Variants in SSH1 observed in about 807,000 individuals in gnomAD.
The protein encoded by SSH1 is protein phosphatase Slingshot homolog 1.
Under a neutral mutation model 79.7 loss-of-function variants are expected in SSH1, and 43 were observed. The observed-to-expected ratio is 0.54, with a 90% confidence interval of 0.42 to 0.70. SSH1 has a LOEUF of 0.70. Ranked by LOEUF, SSH1 falls within the 30% of genes least tolerant of loss-of-function variation. The pLI, the probability that SSH1 is intolerant of heterozygous loss-of-function variation, is 0.00. For synonymous variants in SSH1, 599 were observed against 538.3 expected, an observed-to-expected ratio of 1.11 and a Z score of -1.56; for missense variants, 1,206 against 1,358.8, an observed-to-expected ratio of 0.89 and a Z score of 1.77.
At position 108,778,626 on chromosome 12, in the gene SSH1, T is replaced by G. The variant is rs1023142791; in HGVS notation, c.*9362A>C. Reference sequence around the variant, plus strand: ...CAACCACCATTTATTTATTAGGTAGTGTGCCAGGCAGAAGGGGATTTGCAT... The same window carrying G: ...CAACCACCATTTATTTATTAGGTAGGGTGCCAGGCAGAAGGGGATTTGCAT... On this transcript the variant is annotated 3_prime_UTR_variant, in exon 15 of 15. Transcript: ENST00000326495. The G allele has an allele frequency of 1.3e-5, 2 of 152,262 alleles. No individual in the cohort carries two copies. Among genetic ancestry groups the G allele is most frequent in the Non-Finnish European group, 2.9e-5 (2 of 68,126 alleles). 9.4% of individuals were successfully genotyped at this position (152,262 alleles called of 1,614,324 possible). A position where few individuals can be genotyped will look rare whatever the true frequency, so the allele number is the denominator to read the frequency against.
intron 2 of SSH1, among the ~76,000 whole-genome samples, chr12:108,846,305 A>C (rs1440503682): frequency 6.6e-6 from 1 of 152,180 alleles, no homozygotes; most frequent in Non-Finnish European, 1.5e-5. Flanking sequence ...GATTAAAAAA[A>C]AAAAACTTCA....
chr12:108,852,572 G>C (rs762963471), intron 2 of SSH1, 66 bp downstream of exon 2: 50 of 1,593,212 alleles, frequency 3.1e-5, no homozygotes, highest in East Asian at 1.8e-4. Flanking sequence ...CTTTGGGAGA[G>C]GAACAAGAGC....
intron 5 of SSH1, among the ~76,000 whole-genome samples, chr12:108,813,064 C>T (rs2037698900): frequency 6.6e-6 from 1 of 152,098 alleles, no homozygotes; most frequent in Non-Finnish European, 1.5e-5. Flanking sequence ...TAAGGCCCCA[C>T]TATATTGCCC....
At chr12:108,830,940 C>A (rs2038457527) in intron 2 of SSH1, among the ~76,000 whole-genome samples, 2 of 152,172 alleles carry the variant, frequency 1.3e-5, no homozygotes, top group Admixed American at 1.3e-4. Flanking sequence ...CCACCGAGAC[C>A]AACCTCAGAT....
chr12:108,829,180 T>A (rs1366308558), intron 2 of SSH1, among the ~76,000 whole-genome samples: 4 of 151,930 alleles, frequency 2.6e-5, no homozygotes, highest in Non-Finnish European at 5.9e-5. Context: ...ATACAAAAAT[T>A]AGCCAGGTGT....
intron 12 of SSH1, among the ~76,000 whole-genome samples, chr12:108,800,571 T>C (rs529247849): frequency 2.0e-5 from 3 of 150,444 alleles, no homozygotes; most frequent in African/African-American, 7.3e-5. Flanking sequence ...ACCAACCACT[T>C]TTCTCCTTTG....
chr12:108,779,002 C>T lies in SSH1; in HGVS notation c.*8986G>A, dbSNP rs1475311856. On this transcript the variant is annotated 3_prime_UTR_variant, in exon 15 of 15. Coordinates refer to ENST00000326495, the MANE Select transcript of SSH1 (RefSeq NM_018984.4). ...TATTATTGGTAGAGATGGGGGTTCA[C>T]CATGTTACCTGGGCTGGTCTTGAAC... The T allele has an allele frequency of 6.6e-6, 1 of 152,134 alleles. No homozygotes were observed. Among genetic ancestry groups the T allele is most frequent in the Non-Finnish European group, 1.5e-5 (1 of 68,050 alleles). The allele number at this position is 152,134 out of a possible 1,614,324, so 9.4% of individuals were successfully genotyped here.
At chr12:108,797,750 G>A (rs1343545293) in intron 13 of SSH1, among the ~76,000 whole-genome samples, 1 of 152,192 alleles carries the variant, frequency 6.6e-6, no homozygotes, top group Non-Finnish European at 1.5e-5. Context: ...CCTCTCTGCT[G>A]AGGGCTGCTT....
At chr12:108,838,077 C>T (rs1017757541) in intron 2 of SSH1, among the ~76,000 whole-genome samples, 6 of 152,234 alleles carry the variant, frequency 3.9e-5, no homozygotes, top group African/African-American at 1.4e-4. Flanking sequence ...AGCCACCATA[C>T]CCAGCCAAAT....
chr12:108,855,148 A>G (rs1418915746), intron 1 of SSH1, among the ~76,000 whole-genome samples: 1 of 152,252 alleles, frequency 6.6e-6, no homozygotes, highest in Non-Finnish European at 1.5e-5. Context: ...GGAGTATTAT[A>G]CAGCCATGAA....
chr12:108,826,426 C>T (rs1361983713), intron 2 of SSH1: 1 of 273,230 alleles, frequency 3.7e-6, no homozygotes, highest in Non-Finnish European at 7.2e-6. Context: ...AGACTGGAAG[C>T]TGCAGGGAAG....
At chr12:108,819,498 G>A (rs1402361505) in intron 3 of SSH1, among the ~76,000 whole-genome samples, 1 of 152,138 alleles carries the variant, frequency 6.6e-6, no homozygotes, top group African/African-American at 2.4e-5. Flanking sequence ...CTTTATATCT[G>A]CAAGGATTTC....
chr12:108,816,948 C>T, intron 5 of SSH1, 90 bp downstream of exon 5: 1 of 1,582,944 alleles, frequency 6.3e-7, no homozygotes, highest in Non-Finnish European at 8.7e-7. Flanking sequence ...CCCTCTCCCA[C>T]CTCTGATGGA....
chr12:108,852,556 T>C, intron 2 of SSH1, 82 bp downstream of exon 2: 1 of 1,572,598 alleles, frequency 6.4e-7, no homozygotes, highest in Non-Finnish European at 8.8e-7. Context: ...TTTTTGAACG[T>C]TTTCCCTTTG....
intron 2 of SSH1, among the ~76,000 whole-genome samples, chr12:108,834,686 T>C (rs2137235548): frequency 6.6e-6 from 1 of 152,336 alleles, no homozygotes; most frequent in East Asian, 1.9e-4. Context: ...GGAACCCAAG[T>C]TCCCTCATTT....
intron 9 of SSH1, 61 bp downstream of exon 9, chr12:108,806,240 G>T: frequency 6.7e-7 from 1 of 1,491,202 alleles, no homozygotes. Context: ...GCACTTTCGG[G>T]AGCAGGACAC....
At position 108,783,320 on chromosome 12, in the gene SSH1, A is replaced by T. The variant is rs2036181846; in HGVS notation, c.*4668T>A. The T allele has an allele frequency of 6.6e-6, 1 of 152,300 alleles. No homozygotes were observed. The highest frequency in any genetic ancestry group is 1.5e-5 in the Non-Finnish European group (1 of 68,062). 9.4% of individuals were successfully genotyped at this position (152,300 alleles called of 1,614,324 possible). On this transcript the variant is annotated 3_prime_UTR_variant, in exon 15 of 15. Coordinates refer to ENST00000326495, the MANE Select transcript of SSH1 (RefSeq NM_018984.4). ...GGATAAACACGTATGGAGTAGGACA[A>T]GCTCACAACCCAATGCTGACCACTA...
At chr12:108,845,398 C>T (rs1472683501) in intron 2 of SSH1, among the ~76,000 whole-genome samples, 3 of 151,556 alleles carry the variant, frequency 2.0e-5, no homozygotes, top group South Asian at 2.1e-4. Context: ...GGCCTGGGTG[C>T]GGTGGCTGGC....
At chr12:108,811,459 C>T (rs972759286) in intron 5 of SSH1, 131 bp from the exon 6 acceptor site, 7 of 785,518 alleles carry the variant, frequency 8.9e-6, no homozygotes, top group South Asian at 5.6e-5. Flanking sequence ...GCATAGGAAC[C>T]GTTCACTGAT....
Sources: allele counts gnomAD v4.1 joint callset (sites outside exome capture counted in the v4.1 genomes callset), GRCh38; gene constraint gnomAD v4.1.1; transcripts MANE v1.5; gene names NCBI Gene and HGNC (gene_info 2026-07-23, HGNC 2026-07-21).